Variants in MEI4 observed in about 807,000 individuals in gnomAD.
MEI4 encodes meiosis-specific protein MEI4.
In MEI4, 27 loss-of-function variants were observed where a neutral mutation model predicts 31.4. The observed-to-expected ratio is 0.86, with a 90% confidence interval of 0.63 to 1.19. MEI4 has a LOEUF of 1.19. Ranked by LOEUF, MEI4 falls within the 50% of genes most tolerant of loss-of-function variation. The probability of loss-of-function intolerance (pLI) is 0.00; values close to 1 mark genes in which losing one functional copy is unlikely to be tolerated. For synonymous variants in MEI4, 122 were observed against 145.4 expected, an observed-to-expected ratio of 0.84 and a Z score of 1.16; for missense variants, 329 against 398.9, an observed-to-expected ratio of 0.82 and a Z score of 1.49.
At chr6:77,804,284 T>G (rs1172535782) in intron 3 of MEI4, among the ~76,000 whole-genome samples, 3 of 152,274 alleles carry the variant, frequency 2.0e-5, no homozygotes, top group Non-Finnish European at 4.4e-5. Flanking sequence ...TGGTGTGCCA[T>G]TTGCTAAGAC....
intron 2 of MEI4, among the ~76,000 whole-genome samples, 153 bp downstream of exon 2, chr6:77,691,056 A>G (rs1769148702): frequency 6.6e-6 from 1 of 152,152 alleles, no homozygotes; most frequent in Non-Finnish European, 1.5e-5. Context: ...ACTTCTGGTC[A>G]TTCATTAAAA....
At chr6:77,776,925 G>A (rs536748111) in intron 3 of MEI4, among the ~76,000 whole-genome samples, 8 of 152,286 alleles carry the variant, frequency 5.3e-5, no homozygotes, top group African/African-American at 1.7e-4. Flanking sequence ...CAAGAGATAA[G>A]AGGTAGCAAG....
chr6:77,694,342 A>T (rs1036426397), intron 2 of MEI4, among the ~76,000 whole-genome samples: 1 of 151,964 alleles, frequency 6.6e-6, no homozygotes, highest in South Asian at 2.1e-4. Context: ...TACATGTGTC[A>T]TGTTGGTGTG....
intron 1 of MEI4, among the ~76,000 whole-genome samples, chr6:77,658,131 G>T (rs1264319028): frequency 6.6e-6 from 1 of 152,208 alleles, no homozygotes; most frequent in Non-Finnish European, 1.5e-5. Flanking sequence ...TCAGCGAAGG[G>T]TGGTGGATTA....
At chr6:77,735,295 T>A (rs1322854381) in intron 2 of MEI4, among the ~76,000 whole-genome samples, 1 of 151,936 alleles carries the variant, frequency 6.6e-6, no homozygotes, top group Admixed American at 6.6e-5. Flanking sequence ...TTTGGTCTTT[T>A]CACATAGTCC....
At chr6:77,703,707 G>A (rs2127657390) in intron 2 of MEI4, among the ~76,000 whole-genome samples, 1 of 152,254 alleles carries the variant, frequency 6.6e-6, no homozygotes, top group South Asian at 2.1e-4. Flanking sequence ...TAACTTTAAT[G>A]TGCAGTGAAT....
At chr6:77,706,862 G>A (rs541514984) in intron 2 of MEI4, among the ~76,000 whole-genome samples, 58 of 152,228 alleles carry the variant, frequency 3.8e-4, no homozygotes, top group African/African-American at 1.3e-3. Flanking sequence ...GAAGCCAAGC[G>A]GATGCTGCCA....
intron 4 of MEI4, among the ~76,000 whole-genome samples, chr6:77,876,964 T>C (rs1027984391): frequency 3.5e-4 from 53 of 152,198 alleles, no homozygotes; most frequent in Middle Eastern, 3.4e-3. Context: ...TTTTAAATGT[T>C]AGGTTCATGC....
intron 2 of MEI4, among the ~76,000 whole-genome samples, chr6:77,741,824 G>A (rs1379319341): frequency 2.3e-5 from 3 of 130,794 alleles, no homozygotes; most frequent in Non-Finnish European, 4.6e-5. Context: ...CTGTGTCCAT[G>A]TGTTCTCATT....
intron 3 of MEI4, among the ~76,000 whole-genome samples, chr6:77,821,159 CAA>C (rs1158709475): frequency 6.6e-6 from 1 of 151,790 alleles, no homozygotes; most frequent in Non-Finnish European, 1.5e-5. Flanking sequence ...TTATTTTTCT[CAA>C]AGACTTCCTG....
chr6:77,857,158 A>G (rs558775276), intron 4 of MEI4, among the ~76,000 whole-genome samples: 1 of 152,240 alleles, frequency 6.6e-6, no homozygotes, highest in East Asian at 1.9e-4. Flanking sequence ...ACTTTGAACT[A>G]ATGTATATTT....
chr6:77,714,710 C>T (rs1431816379), intron 2 of MEI4, among the ~76,000 whole-genome samples: 1 of 152,150 alleles, frequency 6.6e-6, no homozygotes, highest in African/African-American at 2.4e-5. Context: ...TGTGCATTAC[C>T]TCTGCTCCAG....
intron 1 of MEI4, among the ~76,000 whole-genome samples, chr6:77,687,770 GCACAGA>G (rs1375154652): frequency 6.6e-6 from 1 of 152,066 alleles, no homozygotes; most frequent in Admixed American, 6.6e-5. Flanking sequence ...TGGGGGGATT[GCACAGA>G]GCTTCCACAT....
At chr6:77,888,786 A>G (rs931377422) in intron 4 of MEI4, among the ~76,000 whole-genome samples, 2 of 152,138 alleles carry the variant, frequency 1.3e-5, no homozygotes, top group Non-Finnish European at 2.9e-5. Flanking sequence ...CTTGAATTGT[A>G]GTTCCCACAA....
chr6:77,838,639 C>G (rs1276697872), intron 4 of MEI4, among the ~76,000 whole-genome samples: 1 of 152,086 alleles, frequency 6.6e-6, no homozygotes. Context: ...CGGTGGCTCA[C>G]TCCTGTAATC....
intron 1 of MEI4, among the ~76,000 whole-genome samples, chr6:77,677,494 T>C (rs1768866386): frequency 6.6e-6 from 1 of 152,252 alleles, no homozygotes; most frequent in African/African-American, 2.4e-5. Context: ...GTGTATCTAA[T>C]GGATCACAAA....
intron 1 of MEI4, among the ~76,000 whole-genome samples, chr6:77,657,176 G>A (rs1768412406): frequency 6.6e-6 from 1 of 152,078 alleles, no homozygotes; most frequent in Non-Finnish European, 1.5e-5. Context: ...CTACATGGCT[G>A]GGAACTGGAT....
intron 3 of MEI4, among the ~76,000 whole-genome samples, chr6:77,783,811 A>G (rs9294084): frequency 0.01 from 1,571 of 152,280 alleles, 27 homozygotes; most frequent in African/African-American, 0.036. Context: ...GAACATTTGA[A>G]CAGTAATTCA....
chr6:77,749,577 T>C (rs1767709922), intron 2 of MEI4, among the ~76,000 whole-genome samples: 1 of 151,926 alleles, frequency 6.6e-6, no homozygotes, highest in Non-Finnish European at 1.5e-5. Flanking sequence ...GAAAAAAGAA[T>C]GAAAAGAAAC....
Sources: allele counts gnomAD v4.1 joint callset (sites outside exome capture counted in the v4.1 genomes callset), GRCh38; gene constraint gnomAD v4.1.1; transcripts MANE v1.5; gene names NCBI Gene and HGNC (gene_info 2026-07-23, HGNC 2026-07-21).